Variants in ATP2B4 observed in about 807,000 individuals in gnomAD.
ATP2B4 encodes the protein plasma membrane calcium-transporting ATPase 4.
In ATP2B4, 39 loss-of-function variants were observed where a neutral mutation model predicts 110.3. The observed-to-expected ratio is 0.35, with a 90% CI of 0.27 to 0.46. The LOEUF (loss-of-function observed/expected upper bound fraction) is 0.46. ATP2B4 is among the 20% of genes least tolerant of loss of function. The pLI, the probability that ATP2B4 is intolerant of heterozygous loss-of-function variation, is 1.00. For missense variants in ATP2B4, 1,135 were observed against 1,530.9 expected, an observed-to-expected ratio of 0.74 and a Z score of 4.32; for synonymous variants, 538 against 571.7, an observed-to-expected ratio of 0.94 and a Z score of 0.84.
chr1:203,637,123 T>C (rs1267111539), intron 1 of ATP2B4, among the ~76,000 whole-genome samples: 2 of 152,182 alleles, frequency 1.3e-5, no homozygotes. Context: ...AGTTATTATA[T>C]TGAACCATAT....
chr1:203,710,363 C>T (rs1315151642), intron 11 of ATP2B4, among the ~76,000 whole-genome samples: 1 of 151,178 alleles, frequency 6.6e-6, no homozygotes, highest in Admixed American at 6.6e-5. Flanking sequence ...GAGTGAGACT[C>T]CATTACAAAA....
chr1:203,654,273 C>T (rs564637475), intron 1 of ATP2B4, among the ~76,000 whole-genome samples: 3 of 152,154 alleles, frequency 2.0e-5, no homozygotes, highest in Admixed American at 1.3e-4. Flanking sequence ...TGTGAGCCAC[C>T]GTGCCCGGCC....
chr1:203,695,532 G>A (rs995021203), intron 2 of ATP2B4, among the ~76,000 whole-genome samples: 6 of 152,182 alleles, frequency 3.9e-5, no homozygotes, highest in African/African-American at 1.4e-4. Context: ...GGAGGCCAGG[G>A]TGATGTGCTT....
At chr1:203,671,533 G>C (rs567222405) in intron 1 of ATP2B4, among the ~76,000 whole-genome samples, 5 of 152,262 alleles carry the variant, frequency 3.3e-5, no homozygotes, top group Admixed American at 1.3e-4. Flanking sequence ...GGTTGAGGGA[G>C]TCAAGGCAGA....
intron 5 of ATP2B4, 112 bp from the exon 6 acceptor site, chr1:203,700,686 A>T: frequency 1.4e-6 from 2 of 1,420,792 alleles, no homozygotes; most frequent in Non-Finnish European, 1.9e-6. Context: ...TAAGCACATC[A>T]TTATCCATGG....
chr1:203,696,575 G>A (rs1008104907), intron 2 of ATP2B4, among the ~76,000 whole-genome samples: 6 of 152,208 alleles, frequency 3.9e-5, no homozygotes, highest in South Asian at 2.1e-4. Context: ...TTGCCTCAGC[G>A]TGTAAACAAC....
rs1024738328 is a variant in ATP2B4, at chr1:203,708,234, G to A, written c.1557+130G>A. On this transcript the variant is annotated intron_variant, in intron 10 of 20. Transcript: ENST00000357681. Reference sequence around the variant, plus strand: ...CCCACATCCCATTTCTCACGCTGGAGTGAACATGTTTGGGTGAGACTACAG... The same window carrying A: ...CCCACATCCCATTTCTCACGCTGGAATGAACATGTTTGGGTGAGACTACAG... The A allele has an allele frequency of 4.4e-6, 6 of 1,365,590 alleles. No homozygotes were observed. The African/African-American group carries it at 7.2e-5, about 16-fold the overall frequency. The allele number at this position is 1,365,590 out of a possible 1,614,324, so 84.6% of individuals were successfully genotyped here.
chr1:203,705,122 G>A (rs2102392996), intron 8 of ATP2B4, among the ~76,000 whole-genome samples: 1 of 152,296 alleles, frequency 6.6e-6, no homozygotes, highest in South Asian at 2.1e-4. Flanking sequence ...ATTTTAGTTG[G>A]TCACGAGCCA....
At chr1:203,657,338 A>AACAACTTTTGAACTAAAAATACAAAAAAT in intron 1 of ATP2B4, 1 of 745,454 alleles carries the variant, frequency 1.3e-6, no homozygotes, top group African/African-American at 1.7e-5. Flanking sequence ...TTCCTGTTCA[A>AACAACTTTTGAACTAAAAATACAAAAAAT]ACAACTTTTA....
At chr1:203,693,043 T>C (rs1002699864) in intron 2 of ATP2B4, among the ~76,000 whole-genome samples, 1 of 152,190 alleles carries the variant, frequency 6.6e-6, no homozygotes, top group Non-Finnish European at 1.5e-5. Context: ...TCCTGAGGAA[T>C]TTCTAGGGGA....
At position 203,724,865 on chromosome 1, in the gene ATP2B4, C is replaced by CTCTTTTTTTTTTTTTTT. The variant is rs1214526316; in HGVS notation, c.3132+878_3132+879insCTTTTTTTTTTTTTTTT. Among the ~76,000 whole-genome samples, 4 of 101,454 alleles carry CTCTTTTTTTTTTTTTTT rather than the reference C, an allele frequency of 3.9e-5. 1 individual carries two copies. Among genetic ancestry groups the CTCTTTTTTTTTTTTTTT allele is most frequent in the African/African-American group, 1.2e-4 (3 of 24,266 alleles). The allele number at this position is 101,454 out of a possible 152,430, so 66.6% of individuals were successfully genotyped here. On this transcript the variant is annotated intron_variant, in intron 19 of 20. Transcript: ENST00000357681. ...ACTGCCTGGGTTTGAATCCAGCTCT[C>CTCTTTTTTTTTTTTTTT]TGTTTTTTTTTTTTTTTTTTTTTTT...
chr1:203,708,299 C>T (rs1385400506), intron 10 of ATP2B4, among the ~76,000 whole-genome samples, 195 bp downstream of exon 10: 1 of 152,010 alleles, frequency 6.6e-6, no homozygotes, highest in African/African-American at 2.4e-5. Context: ...GAGGTAAGGG[C>T]CTGTAAGAAT....
intron 20 of ATP2B4, among the ~76,000 whole-genome samples, chr1:203,729,116 CA>C (rs34284926): frequency 1.5e-4 from 21 of 144,066 alleles, no homozygotes; most frequent in Admixed American, 6.2e-4. Context: ...AGAGTTGTCT[CA>C]AAAAAAAAAG....
rs1387338479 is a variant in ATP2B4 at position 203,703,810 on chromosome 1, G to C, written c.1096G>C (p.Ala366Pro). 3.1e-6 allele frequency: 5 copies of C among 1,613,736 alleles called. No individual in the cohort carries two copies. The highest frequency in any genetic ancestry group is 2.7e-5 in the African/African-American group (2 of 74,928). The change falls in exon 8 of 21, where the codon GCC becomes CCC. Residue 366 changes from alanine (A) to proline (P), a missense_variant. Coordinates refer to ENST00000357681, the MANE Select transcript of ATP2B4 (RefSeq NM_001684.5). Reference sequence around the variant, plus strand: ...TCGCCTGGCTGTTCAGATTGGGAAAGCCGGTGAGTAGGGTAGAGCCTCGTT... The same window carrying C: ...TCGCCTGGCTGTTCAGATTGGGAAACCCGGTGAGTAGGGTAGAGCCTCGTT... ...LTRLAVQIGKAGLLMSALTVF... is the reference protein window; with the variant it reads ...LTRLAVQIGKPGLLMSALTVF...
At chr1:203,709,255 G>C (rs372993500) in intron 10 of ATP2B4, 46 bp from the exon 11 acceptor site, 51 of 1,608,668 alleles carry the variant, frequency 3.2e-5, no homozygotes, top group Non-Finnish European at 4.3e-5. Flanking sequence ...TCTCTGCCTT[G>C]TCAAGGCATC....
intron 1 of ATP2B4, among the ~76,000 whole-genome samples, chr1:203,659,791 A>T (rs977475728): frequency 6.6e-6 from 1 of 152,092 alleles, no homozygotes; most frequent in Non-Finnish European, 1.5e-5. Flanking sequence ...TGCTAAAAAA[A>T]ATATATAAAA....
At chr1:203,698,592 G>A (rs377645972) in intron 3 of ATP2B4, among the ~76,000 whole-genome samples, 15 of 150,966 alleles carry the variant, frequency 9.9e-5, no homozygotes, top group African/African-American at 1.2e-4. Flanking sequence ...ATCCTTTTTC[G>A]GAATGTCAGG....
chr1:203,645,120 A>C (rs1292083060), intron 1 of ATP2B4, among the ~76,000 whole-genome samples: 2 of 152,192 alleles, frequency 1.3e-5, no homozygotes, highest in Non-Finnish European at 2.9e-5. Context: ...TGAAGTGTAC[A>C]TTCTCCTAAC....
chr1:203,686,734 C>A (rs1665203345), intron 2 of ATP2B4, among the ~76,000 whole-genome samples: 1 of 57,148 alleles, frequency 1.7e-5, no homozygotes, highest in African/African-American at 5.4e-5. Flanking sequence ...GCTTTTGTTG[C>A]CCAAGCTGGA....
Sources: gnomAD v4.1 joint callset for allele counts (sites outside exome capture counted in the v4.1 genomes callset) on GRCh38, gnomAD v4.1.1 for gene constraint, MANE v1.5 for transcripts, NCBI Gene and HGNC (gene_info 2026-07-23, HGNC 2026-07-21) for gene names.